Variants in GRM8 observed in about 807,000 individuals in gnomAD.
GRM8 encodes glutamate metabotropic receptor 8.
GRM8 carries 47 observed loss-of-function variants against 87.2 expected under a neutral mutation model. The observed-to-expected ratio is 0.54, with a 90% CI of 0.43 to 0.69. GRM8 has a LOEUF of 0.69. Ranked by LOEUF, GRM8 falls within the 30% of genes least tolerant of loss-of-function variation. GRM8 has a pLI of 0.00. For missense variants in GRM8, 1,019 were observed against 1,139.2 expected (o/e 0.89, Z 1.52); for synonymous variants, 396 against 404.5 (o/e 0.98, Z 0.25).
intron 9 of GRM8, among the ~76,000 whole-genome samples, chr7:126,489,445 G>A (rs531617780): frequency 1.2e-3 from 187 of 152,092 alleles, no homozygotes; most frequent in African/African-American, 4.2e-3. Context: ...AGGATGATTT[G>A]AATATTGGCA....
Position 126,569,150 on chromosome 7 carries a change from T to C in GRM8, c.1495-35263A>G, listed in dbSNP as rs61758827. Among the ~76,000 whole-genome samples the C allele has an allele frequency of 3.4e-3, 513 of 152,210 alleles. 3 individuals are homozygous for C. Among genetic ancestry groups the C allele is most frequent in the African/African-American group, 0.011 (470 of 41,550 alleles). On this transcript the variant is annotated intron_variant, in intron 8 of 10. Transcript: ENST00000339582. ...GCTGCTCCAATGAACACACAAAAGA[T>C]CCACAACTATCTAACAAGAAAAATT...
At chr7:126,832,311 A>T (rs2130440142) in intron 6 of GRM8, among the ~76,000 whole-genome samples, 1 of 152,316 alleles carries the variant, frequency 6.6e-6, no homozygotes, top group East Asian at 1.9e-4. Flanking sequence ...TTATGATATC[A>T]ATTTTATAAA....
chr7:127,054,889 T>C (rs1288237828), intron 3 of GRM8, among the ~76,000 whole-genome samples: 1 of 144,256 alleles, frequency 6.9e-6, no homozygotes, highest in Admixed American at 6.8e-5. Context: ...AATTCTCAAG[T>C]GCAGAATGCT....
intron 3 of GRM8, among the ~76,000 whole-genome samples, chr7:127,087,124 G>A (rs1431955716): frequency 2.0e-5 from 3 of 152,218 alleles, no homozygotes; most frequent in African/African-American, 7.2e-5. Flanking sequence ...ATTAACACAG[G>A]ACCTGCAGCT....
At chr7:126,746,065 C>A (rs927857744) in intron 7 of GRM8, among the ~76,000 whole-genome samples, 3 of 151,696 alleles carry the variant, frequency 2.0e-5, no homozygotes, top group Non-Finnish European at 4.4e-5. Context: ...TAAAATATTA[C>A]AACTAGAGTT....
At chr7:126,513,139 T>C (rs1397768572) in intron 9 of GRM8, among the ~76,000 whole-genome samples, 8 of 152,100 alleles carry the variant, frequency 5.3e-5, no homozygotes, top group Admixed American at 1.3e-4. Context: ...TCTTTAAAAA[T>C]TGGTCTAATA....
At chr7:126,651,973 G>A (rs529609480) in intron 7 of GRM8, among the ~76,000 whole-genome samples, 34 of 152,304 alleles carry the variant, frequency 2.2e-4, no homozygotes, top group Admixed American at 1.1e-3. Context: ...GGTGCTTGCT[G>A]AAGGCAAAGG....
At chr7:127,047,189 C>T (rs751663577) in intron 3 of GRM8, among the ~76,000 whole-genome samples, 3 of 152,132 alleles carry the variant, frequency 2.0e-5, no homozygotes, top group Non-Finnish European at 2.9e-5. Flanking sequence ...ACATATTACC[C>T]ATGGCTGCTT....
intron 7 of GRM8, among the ~76,000 whole-genome samples, chr7:126,739,703 A>G (rs1194068519): frequency 6.8e-6 from 1 of 147,762 alleles, no homozygotes; most frequent in Non-Finnish European, 1.5e-5. Context: ...ATGCTTGTTT[A>G]TAACTCTGAT....
At chr7:126,613,410 G>A (rs1799118457) in intron 7 of GRM8, among the ~76,000 whole-genome samples, 1 of 152,248 alleles carries the variant, frequency 6.6e-6, no homozygotes, top group South Asian at 2.1e-4. Flanking sequence ...TTCCAAGATG[G>A]CCAAATAAGA....
intron 8 of GRM8, among the ~76,000 whole-genome samples, chr7:126,590,080 A>G (rs150233426): frequency 0.012 from 1,812 of 151,434 alleles, 32 homozygotes; most frequent in African/African-American, 0.041. Context: ...TAAGCTAATT[A>G]AGGAGGCAGC....
intron 3 of GRM8, among the ~76,000 whole-genome samples, chr7:127,099,871 C>G (rs1036866866): frequency 3.3e-5 from 5 of 152,096 alleles, no homozygotes; most frequent in Non-Finnish European, 7.4e-5. Context: ...AGGGTCATTG[C>G]AAATGTAGTT....
At chr7:127,140,964 T>C (rs1347685624) in intron 2 of GRM8, among the ~76,000 whole-genome samples, 1 of 152,140 alleles carries the variant, frequency 6.6e-6, no homozygotes, top group Non-Finnish European at 1.5e-5. Flanking sequence ...GAATTATTCT[T>C]ACCAGTCCCA....
chr7:127,132,063 T>C (rs943789441), intron 2 of GRM8, among the ~76,000 whole-genome samples: 1 of 152,232 alleles, frequency 6.6e-6, no homozygotes, highest in Non-Finnish European at 1.5e-5. Context: ...TAATCCATTA[T>C]GCACCACAGA....
At chr7:126,749,222 G>A (rs1475579409) in intron 7 of GRM8, among the ~76,000 whole-genome samples, 2 of 151,852 alleles carry the variant, frequency 1.3e-5, no homozygotes, top group African/African-American at 2.4e-5. Flanking sequence ...GGTTGCAGTG[G>A]GCCAAGATCA....
intron 2 of GRM8, among the ~76,000 whole-genome samples, chr7:127,200,072 A>G (rs911461369): frequency 6.6e-6 from 1 of 152,222 alleles, no homozygotes; most frequent in African/African-American, 2.4e-5. Context: ...CAGATCAGTT[A>G]TGTGGCAATA....
chr7:127,162,737 T>G (rs1240143620), intron 2 of GRM8, among the ~76,000 whole-genome samples: 2 of 152,174 alleles, frequency 1.3e-5, no homozygotes, highest in Admixed American at 6.5e-5. Context: ...CATCTATTAT[T>G]TTAAACCTAA....
chr7:126,673,608 C>A (rs1246910314), intron 7 of GRM8, among the ~76,000 whole-genome samples: 4 of 152,108 alleles, frequency 2.6e-5, no homozygotes. Flanking sequence ...CTGCTAGATA[C>A]AAAGTGTAGC....
chr7:126,548,253 A>T (rs562725745), intron 8 of GRM8, among the ~76,000 whole-genome samples: 2 of 152,264 alleles, frequency 1.3e-5, no homozygotes, highest in East Asian at 3.9e-4. Flanking sequence ...AACATGGCAC[A>T]TGTATACATA....
Sources: gnomAD v4.1 joint callset for allele counts (sites outside exome capture counted in the v4.1 genomes callset) on GRCh38, gnomAD v4.1.1 for gene constraint, MANE v1.5 for transcripts, NCBI Gene and HGNC (gene_info 2026-07-23, HGNC 2026-07-21) for gene names.